The following ANO10 variants were observed in gnomAD, a reference collection of about 807,000 sequenced individuals.
ANO10 encodes the protein anoctamin-10.
In ANO10, 77 loss-of-function variants were observed where a neutral mutation model predicts 74.7. The observed-to-expected ratio is 1.03, with a 90% CI of 0.86 to 1.25. The LOEUF is 1.25. Among genes scored for constraint, ANO10 ranks in the 50% most tolerant of loss-of-function variants. The pLI, the probability that ANO10 is intolerant of heterozygous loss-of-function variation, is 0.00. For missense variants in ANO10, 721 were observed against 778.1 expected (o/e 0.93, Z 0.87); for synonymous variants, 279 against 284.9 (o/e 0.98, Z 0.21).
At chr3:43,666,995 G>A (rs1399884769) in intron 1 of ANO10, among the ~76,000 whole-genome samples, 1 of 148,958 alleles carries the variant, frequency 6.7e-6, no homozygotes, top group Admixed American at 6.7e-5. Flanking sequence ...GAAATTTATT[G>A]AAGGGAACAT....
intron 4 of ANO10, among the ~76,000 whole-genome samples, chr3:43,590,135 G>C (rs932434118): frequency 2.0e-5 from 3 of 152,092 alleles, no homozygotes; most frequent in Non-Finnish European, 4.4e-5. Context: ...TAAGATGCTT[G>C]GGAGAAGTAT....
intron 1 of ANO10, among the ~76,000 whole-genome samples, chr3:43,665,217 C>A (rs183663903): frequency 6.6e-5 from 10 of 152,272 alleles, no homozygotes; most frequent in Admixed American, 6.5e-4. Context: ...GAGTTCATGT[C>A]TTTGCAGGGA....
At chr3:43,516,590 A>G (rs112933870) in intron 11 of ANO10, among the ~76,000 whole-genome samples, 9 of 152,310 alleles carry the variant, frequency 5.9e-5, no homozygotes, top group African/African-American at 2.2e-4. Context: ...CGTGCTTCAC[A>G]CATATTAGAC....
chr3:43,613,040 C>T (rs1246372756), intron 1 of ANO10, among the ~76,000 whole-genome samples: 1 of 152,002 alleles, frequency 6.6e-6, no homozygotes, highest in Non-Finnish European at 1.5e-5. Context: ...TGGTGGCACA[C>T]GCCTGTAATC....
intron 1 of ANO10, among the ~76,000 whole-genome samples, chr3:43,630,251 T>C (rs1371163684): frequency 6.6e-6 from 1 of 152,144 alleles, no homozygotes; most frequent in African/African-American, 2.4e-5. Context: ...ATCTAAATAC[T>C]AAATCTAAAT....
At chr3:43,613,600 TA>T in intron 1 of ANO10, among the ~76,000 whole-genome samples, 1 of 152,190 alleles carries the variant, frequency 6.6e-6, no homozygotes, top group East Asian at 1.9e-4. Context: ...TCTCAGTAAG[TA>T]AATCTATTGG....
intron 12 of ANO10, among the ~76,000 whole-genome samples, chr3:43,380,084 CAG>C (rs2091917441): frequency 6.6e-6 from 1 of 152,032 alleles, no homozygotes; most frequent in South Asian, 2.1e-4. Context: ...CAACAGAAGA[CAG>C]AATTTCAGAG....
chr3:43,648,237 G>A (rs981586157), intron 1 of ANO10, among the ~76,000 whole-genome samples: 1 of 152,176 alleles, frequency 6.6e-6, no homozygotes, highest in Non-Finnish European at 1.5e-5. Flanking sequence ...CTTAAATCCA[G>A]GGAAGACAAA....
At chr3:43,480,676 A>G (rs921945125) in intron 11 of ANO10, among the ~76,000 whole-genome samples, 1 of 152,190 alleles carries the variant, frequency 6.6e-6, no homozygotes. Context: ...GAAGTTGGGA[A>G]GTGAGGACAG....
intron 11 of ANO10, among the ~76,000 whole-genome samples, chr3:43,548,281 A>G (rs907973866): frequency 6.6e-6 from 1 of 152,196 alleles, no homozygotes; most frequent in Admixed American, 6.5e-5. Flanking sequence ...AAATCAAGAA[A>G]GCACACTACA....
intron 7 of ANO10, among the ~76,000 whole-genome samples, chr3:43,572,398 G>A (rs1288620247): frequency 6.6e-6 from 1 of 152,174 alleles, no homozygotes; most frequent in Non-Finnish European, 1.5e-5. Context: ...AAAGTAAGTG[G>A]GGCAGATGGG....
intron 11 of ANO10, among the ~76,000 whole-genome samples, chr3:43,495,794 G>A (rs2076892507): frequency 6.6e-6 from 1 of 151,986 alleles, no homozygotes. Flanking sequence ...TCTGCTCCTG[G>A]GTTCACACCA....
intron 12 of ANO10, among the ~76,000 whole-genome samples, chr3:43,396,477 T>TA (rs1321184456): frequency 3.9e-5 from 6 of 151,970 alleles, no homozygotes; most frequent in African/African-American, 7.2e-5. Flanking sequence ...TAGCTGGGAC[T>TA]ACAGGCGCCT....
intron 11 of ANO10, among the ~76,000 whole-genome samples, chr3:43,469,266 T>A (rs917458545): frequency 1.1e-4 from 17 of 151,366 alleles, no homozygotes; most frequent in Admixed American, 2.6e-4. Context: ...CAGGCTGGTC[T>A]CAAACTCCTG....
intron 1 of ANO10, among the ~76,000 whole-genome samples, chr3:43,606,543 G>T (rs1482651): frequency 0.67 from 101,742 of 151,786 alleles, 34,519 homozygotes; most frequent in East Asian, 0.89. Flanking sequence ...GCCATTAAAG[G>T]AGTCTAGAAA....
chr3:43,590,168 A>C (rs1182419212), intron 4 of ANO10, among the ~76,000 whole-genome samples: 2 of 152,372 alleles, frequency 1.3e-5, no homozygotes, highest in East Asian at 1.9e-4. Flanking sequence ...TGTTATACAA[A>C]TTGAAAAGAA....
At chr3:43,627,753 T>C (rs995620248) in intron 1 of ANO10, among the ~76,000 whole-genome samples, 5 of 152,210 alleles carry the variant, frequency 3.3e-5, no homozygotes, top group African/African-American at 1.2e-4. Flanking sequence ...ATCTTTCTAA[T>C]TGCTAAAGAA....
intron 11 of ANO10, among the ~76,000 whole-genome samples, chr3:43,543,155 C>T (rs1264512103): frequency 1.3e-5 from 2 of 152,152 alleles, no homozygotes; most frequent in East Asian, 3.8e-4. Context: ...CTCTCCTTCC[C>T]TCCCTCTCTC....
intron 11 of ANO10, among the ~76,000 whole-genome samples, chr3:43,443,394 T>G (rs2148971418): frequency 6.6e-6 from 1 of 152,308 alleles, no homozygotes; most frequent in South Asian, 2.1e-4. Flanking sequence ...TGTTTTCTTC[T>G]TTGGTAGGTC....
Sources: gnomAD v4.1 joint callset for allele counts (sites outside exome capture counted in the v4.1 genomes callset) on GRCh38, gnomAD v4.1.1 for gene constraint, MANE v1.5 for transcripts, NCBI Gene and HGNC (gene_info 2026-07-23, HGNC 2026-07-21) for gene names.